The following PTPRD variants were observed in gnomAD, a reference collection of about 807,000 sequenced individuals.
PTPRD encodes the protein receptor-type tyrosine-protein phosphatase delta.
A neutral mutation model predicts 214.5 loss-of-function variants in PTPRD; 34 were observed. That is an observed-to-expected ratio of 0.16 (90% CI 0.12 to 0.21). PTPRD has a LOEUF of 0.21. Among genes scored for constraint, PTPRD ranks in the 10% least tolerant of loss-of-function variants. The pLI is 1.00. For missense variants in PTPRD, 2,545 were observed against 2,398.7 expected, an observed-to-expected ratio of 1.06 and a Z score of -1.27; for synonymous variants, 1,128 against 845.7, an observed-to-expected ratio of 1.33 and a Z score of -5.79.
intron 44 of PTPRD, among the ~76,000 whole-genome samples, chr9:8,321,763 G>C (rs943742334): frequency 3.3e-5 from 5 of 151,564 alleles, no homozygotes; most frequent in African/African-American, 9.7e-5. Context: ...GAAATATCCA[G>C]GTAATTCAAT....
At chr9:9,851,077 A>G (rs751942562) in intron 5 of PTPRD, among the ~76,000 whole-genome samples, 3 of 152,202 alleles carry the variant, frequency 2.0e-5, no homozygotes, top group Non-Finnish European at 2.9e-5. Flanking sequence ...CACAATACCT[A>G]AAAGTTATAA....
chr9:10,091,976 G>C (rs1271863857), intron 3 of PTPRD, among the ~76,000 whole-genome samples: 1 of 151,320 alleles, frequency 6.6e-6, no homozygotes, highest in South Asian at 2.1e-4. Flanking sequence ...TATGAGCATA[G>C]ATAACTTAGG....
chr9:8,844,739 A>T (rs927912383), intron 11 of PTPRD, among the ~76,000 whole-genome samples: 1 of 152,230 alleles, frequency 6.6e-6, no homozygotes, highest in Non-Finnish European at 1.5e-5. Flanking sequence ...GCTATTCTAT[A>T]TGCTAGGTCA....
intron 3 of PTPRD, among the ~76,000 whole-genome samples, chr9:10,210,668 T>C (rs1402984498): frequency 6.7e-6 from 1 of 149,742 alleles, no homozygotes; most frequent in South Asian, 2.1e-4. Context: ...TATGTTTATA[T>C]ATGTATATGT....
chr9:8,869,975 TGTACCGGACATTGTA>T (rs2098267375), intron 11 of PTPRD, among the ~76,000 whole-genome samples: 1 of 152,102 alleles, frequency 6.6e-6, no homozygotes, highest in African/African-American at 2.4e-5. Context: ...ACACGAAATT[TGTACCGGACATTGTA>T]GTACAAACCC....
At chr9:9,184,404 T>C (rs1190954320) in intron 9 of PTPRD, among the ~76,000 whole-genome samples, 9 of 152,014 alleles carry the variant, frequency 5.9e-5, no homozygotes, top group Non-Finnish European at 1.0e-4. Flanking sequence ...TTCTTACCTA[T>C]AGGTTAAATC....
rs1954409669 is a variant in PTPRD, at chr9:9,299,442, C to T, written c.-203+98007G>A. On this transcript the variant is annotated intron_variant, in intron 9 of 45. Coordinates refer to ENST00000381196, the MANE Select transcript of PTPRD (RefSeq NM_002839.4). ...GTCAGCCTGCATAACAAAGATTTTT[C>T]CAGTGCACAATTTCAATGGTGCTGG... Among the ~76,000 whole-genome samples the T allele has an allele frequency of 2.0e-5, 3 of 151,608 alleles. No individual in the cohort carries two copies. In the South Asian group the frequency reaches 6.2e-4, roughly 31 times the overall value.
chr9:10,464,184 G>C (rs113213136), intron 2 of PTPRD, among the ~76,000 whole-genome samples: 1 of 151,956 alleles, frequency 6.6e-6, no homozygotes, highest in African/African-American at 2.4e-5. Context: ...GATAACTTGA[G>C]GTCAGGAGTT....
intron 7 of PTPRD, among the ~76,000 whole-genome samples, chr9:9,655,678 C>T (rs991234854): frequency 3.3e-5 from 5 of 151,552 alleles, no homozygotes; most frequent in African/African-American, 4.9e-5. Context: ...CACATCTCAC[C>T]ATAAAATAAA....
chr9:8,762,594 C>T (rs1166483831), intron 11 of PTPRD, among the ~76,000 whole-genome samples: 2 of 152,112 alleles, frequency 1.3e-5, no homozygotes, highest in Admixed American at 6.5e-5. Context: ...ACCAGATGAA[C>T]GGGCTCCTTC....
At chr9:9,013,041 C>T (rs569431202) in intron 11 of PTPRD, among the ~76,000 whole-genome samples, 19 of 151,916 alleles carry the variant, frequency 1.3e-4, no homozygotes, top group Non-Finnish European at 1.9e-4. Flanking sequence ...AAAGAAAAGA[C>T]GTTAAAGGGG....
At chr9:10,266,806 G>C (rs2154379650) in intron 3 of PTPRD, among the ~76,000 whole-genome samples, 1 of 152,202 alleles carries the variant, frequency 6.6e-6, no homozygotes, top group South Asian at 2.1e-4. Flanking sequence ...AAAAAATTTA[G>C]CGTGTAAAGC....
intron 11 of PTPRD, among the ~76,000 whole-genome samples, chr9:8,893,441 A>T (rs1302648619): frequency 6.6e-6 from 1 of 152,216 alleles, no homozygotes; most frequent in Non-Finnish European, 1.5e-5. Flanking sequence ...AGAAAGGACC[A>T]TGATGCTCAA....
intron 3 of PTPRD, among the ~76,000 whole-genome samples, chr9:10,246,304 C>G (rs1421363699): frequency 1.3e-5 from 2 of 152,154 alleles, no homozygotes; most frequent in Non-Finnish European, 2.9e-5. Flanking sequence ...AGTGCAATAG[C>G]TCGGTCTTGG....
At chr9:9,258,090 G>GAGATAGAC (rs1555116287) in intron 9 of PTPRD, among the ~76,000 whole-genome samples, 6 of 148,250 alleles carry the variant, frequency 4.0e-5, no homozygotes, top group African/African-American at 7.4e-5. Context: ...TGAATGGATA[G>GAGATAGAC]AGATAGATAG....
At chr9:9,063,313 G>C (rs187346640) in intron 10 of PTPRD, among the ~76,000 whole-genome samples, 4 of 152,266 alleles carry the variant, frequency 2.6e-5, no homozygotes, top group Admixed American at 2.0e-4. Context: ...TCATGCCTAA[G>C]AAGGTAAAAA....
intron 3 of PTPRD, among the ~76,000 whole-genome samples, chr9:10,296,949 T>C (rs1384859186): frequency 6.6e-6 from 1 of 151,814 alleles, no homozygotes; most frequent in Admixed American, 6.6e-5. Flanking sequence ...ATATTTCCCA[T>C]TCTTCATTAG....
intron 10 of PTPRD, among the ~76,000 whole-genome samples, chr9:9,099,989 T>C (rs2099789104): frequency 6.6e-6 from 1 of 152,192 alleles, no homozygotes; most frequent in African/African-American, 2.4e-5. Context: ...GTCTTATTTA[T>C]ATAAAAGTGC....
intron 5 of PTPRD, among the ~76,000 whole-genome samples, chr9:9,780,848 T>G (rs1467296178): frequency 6.6e-6 from 1 of 152,214 alleles, no homozygotes; most frequent in Non-Finnish European, 1.5e-5. Flanking sequence ...ATACTATTCA[T>G]TGATAAAATG....
Sources: allele counts gnomAD v4.1 joint callset (sites outside exome capture counted in the v4.1 genomes callset), GRCh38; gene constraint gnomAD v4.1.1; transcripts MANE v1.5; gene names NCBI Gene and HGNC (gene_info 2026-07-23, HGNC 2026-07-21).